Variants in SLCO1C1 observed in about 807,000 individuals in gnomAD.
SLCO1C1 encodes the protein OAT-RP-5.
SLCO1C1 carries 70 observed loss-of-function variants against 76.4 expected under a neutral mutation model. The ratio of observed to expected loss-of-function variants is 0.92; its 90% confidence interval spans 0.76 to 1.12. The LOEUF (loss-of-function observed/expected upper bound fraction) is 1.12. SLCO1C1 is among the 50% of genes most tolerant of loss of function. The pLI, the probability that SLCO1C1 is intolerant of heterozygous loss-of-function variation, is 0.00. For missense variants in SLCO1C1, 912 were observed against 823.8 expected, an observed-to-expected ratio of 1.11 and a Z score of -1.31; for synonymous variants, 306 against 286.1, an observed-to-expected ratio of 1.07 and a Z score of -0.70.
intron 4 of SLCO1C1, 129 bp downstream of exon 4, chr12:20,706,210 C>G: frequency 8.5e-7 from 1 of 1,181,478 alleles, no homozygotes; most frequent in Non-Finnish European, 1.1e-6. Context: ...ATTACATTCT[C>G]TTTGGATAAA....
At chr12:20,745,681 C>T (rs1033233485) in intron 13 of SLCO1C1, among the ~76,000 whole-genome samples, 6 of 151,760 alleles carry the variant, frequency 4.0e-5, no homozygotes, top group South Asian at 2.1e-4. Flanking sequence ...AAAAATTAGC[C>T]GGGTGTGCTG....
At chr12:20,745,692 G>A (rs1339903433) in intron 13 of SLCO1C1, among the ~76,000 whole-genome samples, 1 of 152,010 alleles carries the variant, frequency 6.6e-6, no homozygotes, top group Non-Finnish European at 1.5e-5. Context: ...GGGTGTGCTG[G>A]TGTGTGCCTG....
intron 10 of SLCO1C1, among the ~76,000 whole-genome samples, chr12:20,736,770 C>T (rs1159518764): frequency 6.6e-6 from 1 of 152,140 alleles, no homozygotes; most frequent in Non-Finnish European, 1.5e-5. Flanking sequence ...ATAAATTGCT[C>T]TAAAAGTTTA....
chr12:20,703,990 T>C (rs1028104831), intron 3 of SLCO1C1, among the ~76,000 whole-genome samples: 20 of 149,906 alleles, frequency 1.3e-4, no homozygotes, highest in Admixed American at 3.3e-4. Flanking sequence ...TGTGTGTGCA[T>C]AGACAGACAG....
chr12:20,751,348 A>G (rs1466230032), intron 14 of SLCO1C1, among the ~76,000 whole-genome samples: 4 of 152,100 alleles, frequency 2.6e-5, no homozygotes, highest in African/African-American at 7.2e-5. Context: ...CTTTTTCACT[A>G]TGGTATCATT....
intron 14 of SLCO1C1, 29 bp from the exon 15 acceptor site, chr12:20,752,277 A>C (rs1245330518): frequency 1.4e-6 from 2 of 1,423,010 alleles, no homozygotes; most frequent in East Asian, 4.6e-5. Flanking sequence ...TGTTGCATTA[A>C]TTATAACAGA....
chr12:20,708,832 C>T (rs1946915449), intron 4 of SLCO1C1, among the ~76,000 whole-genome samples: 1 of 152,122 alleles, frequency 6.6e-6, no homozygotes, highest in Non-Finnish European at 1.5e-5. Context: ...TCTTAGTAAA[C>T]TACAGATTGT....
At chr12:20,724,828 A>G (rs1947883111) in intron 9 of SLCO1C1, among the ~76,000 whole-genome samples, 2 of 146,452 alleles carry the variant, frequency 1.4e-5, no homozygotes, top group Admixed American at 6.9e-5. Flanking sequence ...ATAGTTATTT[A>G]TAATACTATA....
intron 12 of SLCO1C1, among the ~76,000 whole-genome samples, chr12:20,742,071 T>G (rs1948839726): frequency 1.3e-5 from 2 of 152,200 alleles, no homozygotes; most frequent in African/African-American, 4.8e-5. Flanking sequence ...TCAAAACAGC[T>G]TTCACCAAAT....
chr12:20,716,013 G>A (rs1592254118), intron 6 of SLCO1C1, among the ~76,000 whole-genome samples: 2 of 152,008 alleles, frequency 1.3e-5, no homozygotes, highest in East Asian at 1.9e-4. Context: ...CTTTCCTATG[G>A]TGTTGACATA....
intron 4 of SLCO1C1, among the ~76,000 whole-genome samples, chr12:20,708,480 T>C (rs1391073803): frequency 1.3e-5 from 2 of 151,822 alleles, no homozygotes; most frequent in African/African-American, 2.4e-5. Context: ...TAAAGACACA[T>C]AAGGAGTATG....
chr12:20,701,472 G>C lies in SLCO1C1; in HGVS notation c.271+13G>C, dbSNP rs1168705156. On this transcript the variant is annotated intron_variant, in intron 3 of 14. Transcript: ENST00000266509. ...AGTTTTGAAATTGGTAGGTATTACA[G>C]ATGCCTGACTTTAATTTTAAGCCCA... 2 of 1,455,490 alleles carry C rather than the reference G, an allele frequency of 1.4e-6. No individual in the cohort carries two copies. The highest frequency in any genetic ancestry group is 9.2e-7 in the Non-Finnish European group (1 of 1,084,164). 90.2% of individuals were successfully genotyped at this position (1,455,490 alleles called of 1,614,324 possible).
intron 12 of SLCO1C1, among the ~76,000 whole-genome samples, chr12:20,742,602 C>T (rs1395432853): frequency 6.6e-6 from 1 of 151,928 alleles, no homozygotes. Flanking sequence ...GGCACAATCT[C>T]GGCCCCCTGC....
intron 10 of SLCO1C1, among the ~76,000 whole-genome samples, chr12:20,736,289 A>G (rs1333030950): frequency 6.7e-6 from 1 of 149,830 alleles, no homozygotes; most frequent in African/African-American, 2.4e-5. Context: ...AGGAGAAAAG[A>G]AAGAATGCAA....
intron 9 of SLCO1C1, among the ~76,000 whole-genome samples, chr12:20,731,054 C>T (rs1332401697): frequency 6.6e-6 from 1 of 152,084 alleles, no homozygotes; most frequent in African/African-American, 2.4e-5. Context: ...GGCCATCCTG[C>T]CTGTGAATGA....
rs1013244021 is a variant in SLCO1C1, at chr12:20,740,116, A to T, written c.1549-68A>T. The T allele has an allele frequency of 6.8e-5, 96 of 1,421,062 alleles. No individual in the cohort carries two copies. The African/African-American group carries it at 1.3e-3, about 20-fold the overall frequency. 88.0% of individuals were successfully genotyped at this position (1,421,062 alleles called of 1,614,324 possible). A position where few individuals can be genotyped will look rare whatever the true frequency, so the allele number is the denominator to read the frequency against. On this transcript the variant is annotated intron_variant, in intron 11 of 14. Transcript: ENST00000266509. The stretch of plus-strand genomic sequence containing the variant: ...ATGCATGGCTACGGTAAACATTTTT[A>T]ACATAACTGTCTTTAACTTTATTTA...
At chr12:20,731,481 G>C (rs1948259468) in intron 9 of SLCO1C1, among the ~76,000 whole-genome samples, 1 of 152,202 alleles carries the variant, frequency 6.6e-6, no homozygotes, top group Non-Finnish European at 1.5e-5. Flanking sequence ...TTCACATGGG[G>C]TTGTAAGTCA....
At chr12:20,712,414 G>A (rs1947153767) in intron 5 of SLCO1C1, among the ~76,000 whole-genome samples, 1 of 152,142 alleles carries the variant, frequency 6.6e-6, no homozygotes, top group South Asian at 2.1e-4. Context: ...AGGTAACACA[G>A]ATTTTCCTTA....
intron 1 of SLCO1C1, 103 bp downstream of exon 1, chr12:20,695,910 A>T (rs967336250): frequency 1.3e-5 from 2 of 152,160 alleles, no homozygotes; most frequent in African/African-American, 4.8e-5. Flanking sequence ...ATCCATAAAA[A>T]TATCAGTGAA....
Sources: allele counts gnomAD v4.1 joint callset (sites outside exome capture counted in the v4.1 genomes callset), GRCh38; gene constraint gnomAD v4.1.1; transcripts MANE v1.5; gene names NCBI Gene and HGNC (gene_info 2026-07-23, HGNC 2026-07-21).